The following ATG2B variants were observed in gnomAD, a reference collection of about 807,000 sequenced individuals.
ATG2B encodes the protein autophagy related 2B.
ATG2B carries 121 observed loss-of-function variants against 241.3 expected under a neutral mutation model. That is an observed-to-expected ratio of 0.50 (90% CI 0.43 to 0.58). The LOEUF (loss-of-function observed/expected upper bound fraction) is 0.58. Ranked by LOEUF, ATG2B falls within the 20% of genes least tolerant of loss-of-function variation. The pLI, the probability that ATG2B is intolerant of heterozygous loss-of-function variation, is 0.00. For missense variants in ATG2B, 2,306 were observed against 2,491.6 expected (o/e 0.93, Z 1.59); for synonymous variants, 858 against 876.6 (o/e 0.98, Z 0.37).
intron 28 of ATG2B, among the ~76,000 whole-genome samples, chr14:96,310,185 G>C (rs1356585983): frequency 6.6e-6 from 1 of 152,132 alleles, no homozygotes; most frequent in African/African-American, 2.4e-5. Context: ...CAAGCTGAAA[G>C]GGATAATTTA....
intron 34 of ATG2B, among the ~76,000 whole-genome samples, chr14:96,296,973 C>A (rs926896182): frequency 3.3e-5 from 5 of 151,914 alleles, no homozygotes; most frequent in Non-Finnish European, 7.4e-5. Context: ...GGAGACTAAG[C>A]AATGGACTGC....
At chr14:96,327,499 T>C (rs1350872905) in intron 14 of ATG2B, among the ~76,000 whole-genome samples, 2 of 152,080 alleles carry the variant, frequency 1.3e-5, no homozygotes, top group Non-Finnish European at 1.5e-5. Context: ...AATAGATTAT[T>C]TTCAAAAGTA....
intron 28 of ATG2B, 63 bp downstream of exon 28, chr14:96,311,054 C>A (rs1045875676): frequency 8.4e-6 from 12 of 1,422,264 alleles, no homozygotes; most frequent in Middle Eastern, 1.9e-4. Flanking sequence ...GTCATGAAGA[C>A]CTCAATAATG....
chr14:96,335,696 C>T lies in ATG2B; in HGVS notation c.925-1195G>A, dbSNP rs529223369. On this transcript the variant is annotated intron_variant, in intron 6 of 41. Coordinates refer to ENST00000359933, the MANE Select transcript of ATG2B (RefSeq NM_018036.7). ...GACAACTTATTTTACGGGGCACCTTCCTGACTACTGACATCCCAAGCCATG... is the reference window on the plus strand; with the variant it reads ...GACAACTTATTTTACGGGGCACCTTTCTGACTACTGACATCCCAAGCCATG... Among the ~76,000 whole-genome samples, 209 of 152,254 alleles carry T rather than the reference C, an allele frequency of 1.4e-3. 1 individual carries two copies. Among genetic ancestry groups the T allele is most frequent in the African/African-American group, 4.8e-3 (200 of 41,548 alleles).
chr14:96,335,301 C>A lies in ATG2B; in HGVS notation c.925-800G>T, dbSNP rs1484488319. On this transcript the variant is annotated intron_variant, in intron 6 of 41. Transcript: ENST00000359933. The stretch of plus-strand genomic sequence containing the variant: ...CTGAAAAATAATAGAATTAACAAAA[C>A]ATTTATATCTAGAAAATGACTTCTT... 1.1e-4 allele frequency among the ~76,000 whole-genome samples: 16 copies of A among 152,194 alleles called. No individual in the cohort carries two copies. In the South Asian group the frequency reaches 2.1e-3, roughly 20 times the overall value.
At position 96,333,856 on chromosome 14, in the gene ATG2B, C is replaced by T. The variant is rs371634013; in HGVS notation, c.1039G>A (p.Gly347Arg). ...TTTTTCCTATCTTTATTAGCTAACC[C>T]TATTTTGCTAGAATTTTCTATAAGC... Reference protein sequence around the residue: ...IAGPENSSKIGLANKDRKNRP... With the variant: ...IAGPENSSKIRLANKDRKNRP... The change falls in exon 8 of 42, where the codon GGG (glycine) becomes AGG (arginine). Residue 347 changes from glycine to arginine, a missense_variant. Physicochemically the swap from Gly to Arg is moderately radical, Grantham distance 125. Around this residue, in one of 2 missense-constraint regions of ATG2B, gnomAD observed 1,927 missense variants for 2,011.2 expected, o/e 0.96. Coordinates refer to ENST00000359933, the MANE Select transcript of ATG2B (RefSeq NM_018036.7). 3.1e-6 allele frequency: 5 copies of T among 1,613,188 alleles called. No individual in the cohort carries two copies. The highest frequency in any genetic ancestry group is 3.4e-6 in the Non-Finnish European group (4 of 1,179,584).
chr14:96,321,493 C>T (rs1173726821), intron 18 of ATG2B, among the ~76,000 whole-genome samples: 1 of 152,130 alleles, frequency 6.6e-6, no homozygotes, highest in Non-Finnish European at 1.5e-5. Flanking sequence ...ATCCTCCAAA[C>T]AACCCTTATA....
chr14:96,290,958 T>A lies in ATG2B; in HGVS notation c.5580-23A>T. On this transcript the variant is annotated intron_variant, in intron 38 of 41. Transcript: ENST00000359933. The surrounding 1 kb of genome is among the most constrained non-coding windows in gnomAD (Gnocchi z 4.4). ...AAACTAGAGCAAATGATTATTAGTA[T>A]GTCAAAAGGAGAAATACATTTATAG... is the stretch of plus-strand genomic sequence containing the variant. The A allele has an allele frequency of 6.3e-7, 1 of 1,592,726 alleles. No individual in the cohort carries two copies. The highest frequency in any genetic ancestry group is 1.1e-5 in the South Asian group (1 of 87,074).
At chr14:96,309,323 G>A (rs1887086057) in intron 29 of ATG2B, 130 bp downstream of exon 29, 2 of 1,168,252 alleles carry the variant, frequency 1.7e-6, no homozygotes, top group Non-Finnish European at 2.4e-6. Context: ...GACACAAGCT[G>A]AATGATTAAC....
chr14:96,330,405 A>G (rs1438648722), intron 11 of ATG2B, among the ~76,000 whole-genome samples: 1 of 152,222 alleles, frequency 6.6e-6, no homozygotes, highest in East Asian at 1.9e-4. Context: ...ACCACCGTAT[A>G]AGATGTCATT....
chr14:96,325,691 G>C lies in ATG2B; in HGVS notation c.2395C>G (p.Pro799Ala). 1 of 1,613,418 alleles carries C rather than the reference G, an allele frequency of 6.2e-7. No homozygotes were observed. The highest frequency in any genetic ancestry group is 8.5e-7 in the Non-Finnish European group (1 of 1,179,826). ...GTAAGTTCCAATTTAATTTGTTCTG[G>C]GGTTGATCCTCCTATAAATTCAGTC... Reference protein sequence around the residue: ...FKTEFIGGSTPEQIKLELTFR... With the variant: ...FKTEFIGGSTAEQIKLELTFR... Residue 799 changes from proline (P) to alanine (A), a missense_variant, in exon 15 of 42, where the codon CCA (proline) becomes GCA (alanine). By Grantham distance (27) the Pro-to-Ala change is conservative. Transcript: ENST00000359933.
At chr14:96,346,641 T>C (rs576392689) in intron 2 of ATG2B, among the ~76,000 whole-genome samples, 1 of 152,236 alleles carries the variant, frequency 6.6e-6, no homozygotes, top group Non-Finnish European at 1.5e-5. Flanking sequence ...CATTTTTTTC[T>C]CTATTTATAA....
chr14:96,306,939 T>C, intron 29 of ATG2B, 23 bp from the exon 30 acceptor site: 1 of 1,590,674 alleles, frequency 6.3e-7, no homozygotes, highest in Non-Finnish European at 8.6e-7. Context: ...ATTACAACAT[T>C]TTGGCACACT....
In ATG2B at chr14:96,317,254, C is replaced by T. The variant is rs753600576; in HGVS notation, c.3101G>A (p.Arg1034His). 2.4e-5 allele frequency: 39 copies of T among 1,613,566 alleles called. 1 individual carries two copies. Among genetic ancestry groups the T allele is most frequent in the East Asian group, 1.8e-4 (8 of 44,838 alleles). The change falls in exon 20 of 42, where the codon CGT (arginine) becomes CAT (histidine). Residue 1034 changes from arginine to histidine, a missense_variant. Arg to His is a conservative substitution (Grantham distance 29). Coordinates refer to ENST00000359933, the MANE Select transcript of ATG2B (RefSeq NM_018036.7). ...GTCTAATTTTTTTTTCCTGCGAGAA[C>T]GATAGTTGGGATCAACAGTGGAAAA... ...QYFSTVDPNY[R>H]SRRKKKLDSQ...
In ATG2B at chr14:96,332,541, T is replaced by G. The variant is rs371850612; in HGVS notation, c.1322A>C (p.Tyr441Ser). ...TGGAGATCCTGCTGGGGTATTTGTATATGTACTAGTTAATGATAACTCAAG... is the reference window on the plus strand; with the variant it reads ...TGGAGATCCTGCTGGGGTATTTGTAGATGTACTAGTTAATGATAACTCAAG... ...MDLELSLTSTYTNTPAGSPLS... is the reference protein window; with the variant it reads ...MDLELSLTSTSTNTPAGSPLS... Residue 441 changes from tyrosine to serine, a missense_variant, in exon 9 of 42, where the codon TAT (tyrosine) becomes TCT (serine). Tyr to Ser is a moderately radical substitution (Grantham distance 144, BLOSUM62 -2). This residue lies in a region of ATG2B where 1,927 missense variants were observed against 2,011.2 expected (regional missense o/e 0.96). Transcript: ENST00000359933. 2 of 1,610,974 alleles carry G rather than the reference T, an allele frequency of 1.2e-6. No individual in the cohort carries two copies. Among genetic ancestry groups the G allele is most frequent in the Admixed American group, 1.7e-5 (1 of 59,478 alleles).
Position 96,305,081 on chromosome 14 carries a change from T to C in ATG2B, c.4734-478A>G, listed in dbSNP as rs1886901254. Among the ~76,000 whole-genome samples, 4 of 152,158 alleles carry C rather than the reference T, an allele frequency of 2.6e-5. No individual in the cohort carries two copies. In the South Asian group the frequency reaches 6.2e-4, roughly 24 times the overall value. On this transcript the variant is annotated intron_variant, in intron 31 of 41. Transcript: ENST00000359933. ...ACTGCTCCACGCAGCCTCCATGCCA[T>C]GCCCCACCTCAATAAGGAAGTCTGC...
chr14:96,336,738 C>T (rs1278722967), intron 6 of ATG2B, among the ~76,000 whole-genome samples: 3 of 152,162 alleles, frequency 2.0e-5, no homozygotes, highest in Non-Finnish European at 4.4e-5. Context: ...TCCCCAGAGA[C>T]ATAAACATAT....
intron 6 of ATG2B, among the ~76,000 whole-genome samples, chr14:96,340,523 G>A (rs1188582919): frequency 1.3e-5 from 2 of 151,998 alleles, no homozygotes; most frequent in South Asian, 2.1e-4. Flanking sequence ...CCCTACTCAC[G>A]AAGAGTAGAC....
At chr14:96,314,908 C>G (rs1363203689) in intron 23 of ATG2B, among the ~76,000 whole-genome samples, 1 of 152,220 alleles carries the variant, frequency 6.6e-6, no homozygotes, top group East Asian at 1.9e-4. Context: ...CCAAGCTGGG[C>G]TCGAACTCCT....
Sources: allele counts gnomAD v4.1 joint callset (sites outside exome capture counted in the v4.1 genomes callset), GRCh38; gene constraint gnomAD v4.1.1; regional missense constraint gnomAD v4.1.1; non-coding constraint Gnocchi (gnomAD v3.1); transcripts MANE v1.5; gene names NCBI Gene and HGNC (gene_info 2026-07-23, HGNC 2026-07-21).